PADI2: variants seen among roughly 807,000 people sequenced by gnomAD.
PADI2 encodes the protein protein-arginine deiminase type-2.
PADI2 carries 70 observed loss-of-function variants against 81.1 expected under a neutral mutation model. The observed-to-expected ratio is 0.86, with a 90% CI of 0.71 to 1.05. The LOEUF is 1.05. PADI2 is among the 50% of genes least tolerant of loss of function. PADI2 has a pLI of 0.00. For missense variants in PADI2, 853 were observed against 889.9 expected, an observed-to-expected ratio of 0.96 and a Z score of 0.53; for synonymous variants, 338 against 358.0, an observed-to-expected ratio of 0.94 and a Z score of 0.63.
At chr1:17,110,761 T>A (rs1931548985) in intron 1 of PADI2, among the ~76,000 whole-genome samples, 1 of 152,244 alleles carries the variant, frequency 6.6e-6, no homozygotes, top group Admixed American at 6.5e-5. Flanking sequence ...CTGGCAAATG[T>A]CCATCTCTCC....
chr1:17,082,461 G>A, intron 10 of PADI2, 84 bp downstream of exon 10: 1 of 862,912 alleles, frequency 1.2e-6, no homozygotes, highest in Non-Finnish European at 2.0e-6. Flanking sequence ...AATGTGTCAA[G>A]GCGGCCCAGG....
rs747314891 is a variant in PADI2 at position 17,069,284 on chromosome 1, C to A, written c.1765-7G>T. On this transcript the variant is annotated splice_polypyrimidine_tract_variant and splice_region_variant and intron_variant, in intron 15 of 15. Transcript: ENST00000375486. ...CCAGCACGATCATGTTCACCTGTGACGGGGGATTGCGATGGCAACAGCTTC... is the reference window on the plus strand; with the variant it reads ...CCAGCACGATCATGTTCACCTGTGAAGGGGGATTGCGATGGCAACAGCTTC... The A allele has an allele frequency of 6.2e-7, 1 of 1,609,030 alleles. No individual in the cohort carries two copies.
chr1:17,071,456 T>A lies in PADI2; in HGVS notation c.1585A>T (p.Asn529Tyr). ...GGMSSKRITINKILSNESLVQ... is the reference protein window; with the variant it reads ...GGMSSKRITIYKILSNESLVQ... ...AGGCTCTCGTTGGACAGAATCTTGT[T>A]GATGGTGATTCGCTTGCTGCTCATC... is the stretch of plus-strand genomic sequence containing the variant. The change falls in exon 14 of 16, where the codon AAC becomes TAC. Residue 529 changes from asparagine to tyrosine, a missense_variant. By Grantham distance (143) the Asn-to-Tyr change is moderately radical. Transcript: ENST00000375486. 2 of 1,614,188 alleles carry A rather than the reference T, an allele frequency of 1.2e-6. No homozygotes were observed. Among genetic ancestry groups the A allele is most frequent in the Non-Finnish European group, 1.7e-6 (2 of 1,179,998 alleles).
chr1:17,076,669 C>G (rs557463798), intron 11 of PADI2, among the ~76,000 whole-genome samples: 22 of 152,170 alleles, frequency 1.4e-4, no homozygotes, highest in African/African-American at 5.3e-4. Flanking sequence ...ATCTCCCTCC[C>G]TGGTTCAAGC....
intron 4 of PADI2, among the ~76,000 whole-genome samples, chr1:17,094,068 G>A (rs537737346): frequency 9.9e-5 from 15 of 152,272 alleles, no homozygotes; most frequent in Admixed American, 7.2e-4. Context: ...CCACCCAGCT[G>A]TTTCCAGACA....
In PADI2 at chr1:17,075,837, G is replaced by T; in HGVS notation, c.1311-14C>A. On this transcript the variant is annotated splice_polypyrimidine_tract_variant and intron_variant, in intron 11 of 15. Transcript: ENST00000375486. The stretch of plus-strand genomic sequence containing the variant: ...CGACCACCAGACCTGGAGAAGGGAG[G>T]AAGAGGAGTTTCAGCAAATTACCCA... 6.2e-7 allele frequency: 1 copy of T among 1,612,636 alleles called. No homozygotes were observed. The highest frequency in any genetic ancestry group is 8.5e-7 in the Non-Finnish European group (1 of 1,179,496).
chr1:17,083,700 T>G, intron 9 of PADI2, 26 bp downstream of exon 9: 1 of 1,466,296 alleles, frequency 6.8e-7, no homozygotes, highest in Non-Finnish European at 9.6e-7. Context: ...GCCATGTCCT[T>G]CCCAGCCTGG....
intron 12 of PADI2, chr1:17,075,295 A>C (rs3818039): frequency 0.62 from 201,996 of 327,904 alleles, 63,346 homozygotes; most frequent in Middle Eastern, 0.73. Context: ...CAGGTGCATA[A>C]CCTATTTCTC....
intron 4 of PADI2, among the ~76,000 whole-genome samples, 194 bp downstream of exon 4, chr1:17,095,715 G>A (rs945470322): frequency 1.3e-5 from 2 of 152,122 alleles, no homozygotes; most frequent in African/African-American, 4.8e-5. Flanking sequence ...TGAGACTCAG[G>A]AGCCTGCTCT....
intron 1 of PADI2, among the ~76,000 whole-genome samples, chr1:17,112,783 G>T (rs1429168912): frequency 6.6e-6 from 1 of 152,156 alleles, no homozygotes; most frequent in Non-Finnish European, 1.5e-5. Context: ...GAAACAATCT[G>T]ATCTATAGCT....
At chr1:17,090,861 T>A (rs1461939492) in intron 6 of PADI2, among the ~76,000 whole-genome samples, 1 of 152,058 alleles carries the variant, frequency 6.6e-6, no homozygotes, top group Non-Finnish European at 1.5e-5. Context: ...CCACTCCCTT[T>A]AGCAAAAAGA....
intron 1 of PADI2, among the ~76,000 whole-genome samples, chr1:17,107,376 C>T (rs978035692): frequency 5.5e-4 from 84 of 152,220 alleles, no homozygotes; most frequent in Admixed American, 2.6e-4. Context: ...GCTGGGGCAG[C>T]TGAAGATGGA....
Position 17,071,376 on chromosome 1 carries a change from TCTGGCCCTGCACCCCTGCCCTGCCCTCAC to T in PADI2, c.1635+1_1635+29del, listed in dbSNP as rs2078263327. 8.4e-6 allele frequency: 13 copies of T among 1,553,374 alleles called. No homozygotes were observed. In the East Asian group the frequency reaches 2.9e-4, roughly 35 times the overall value. ...TGAGCCTCATCCCTCCCAGGGGCCC[TCTGGCCCTGCACCCCTGCCCTGCCCTCAC>T]CTGGAAGTACAGGTTCTCCTGCACA... On this transcript the variant is annotated splice_donor_variant and splice_donor_5th_base_variant and intron_variant, in intron 14 of 15. Coordinates refer to ENST00000375486, the MANE Select transcript of PADI2 (RefSeq NM_007365.3). LOFTEE classifies it high-confidence loss of function.
intron 11 of PADI2, among the ~76,000 whole-genome samples, chr1:17,078,474 C>T (rs974962483): frequency 1.1e-4 from 17 of 152,178 alleles, no homozygotes; most frequent in African/African-American, 4.1e-4. Context: ...TCTCAGCTCA[C>T]TGCAACCTCT....
chr1:17,080,714 G>A (rs3818024), intron 10 of PADI2, among the ~76,000 whole-genome samples: 84,460 of 151,980 alleles, frequency 0.56, 23,672 homozygotes, highest in Non-Finnish European at 0.59. Context: ...GAGTTAGCCC[G>A]CAAGTCATAA....
rs1253661311 is a variant in PADI2 at position 17,105,078 on chromosome 1, G to C, written c.93-17C>G. 3 of 1,538,644 alleles carry C rather than the reference G, an allele frequency of 1.9e-6. No homozygotes were observed. The highest frequency in any genetic ancestry group is 1.8e-5 in the Admixed American group (1 of 55,900). ...GGGGCCGCGCTGTGGGGAGAGATGA[G>C]AGAGGGTTAGGGAGAGCCCTGGGGT... On this transcript the variant is annotated splice_polypyrimidine_tract_variant and intron_variant, in intron 1 of 15. Transcript: ENST00000375486.
chr1:17,068,525 A>C lies in PADI2; in HGVS notation c.*519T>G. 1 of 164,392 alleles carries C rather than the reference A, an allele frequency of 6.1e-6. No homozygotes were observed. The allele number at this position is 164,392 out of a possible 1,614,324, so 10.2% of individuals were successfully genotyped here. A position where few individuals can be genotyped will look rare whatever the true frequency, so the allele number is the denominator to read the frequency against. ...AGAGGATTTGAGAGGTTGGTAAGGA[A>C]TGAATAATTGGGGGTGGCCACCTGG... On this transcript the variant is annotated 3_prime_UTR_variant, in exon 16 of 16. Transcript: ENST00000375486.
intron 13 of PADI2, among the ~76,000 whole-genome samples, chr1:17,072,258 G>A (rs910230): frequency 0.37 from 56,793 of 152,088 alleles, 11,096 homozygotes; most frequent in East Asian, 0.6. Flanking sequence ...AGAGACTGCT[G>A]GTCCATTGCA....
intron 1 of PADI2, among the ~76,000 whole-genome samples, chr1:17,108,149 A>G (rs942389236): frequency 1.3e-5 from 2 of 151,976 alleles, no homozygotes; most frequent in South Asian, 2.1e-4. Flanking sequence ...GGGTTTCACC[A>G]TGTTGGCCAG....
Sources: gnomAD v4.1 joint callset for allele counts (sites outside exome capture counted in the v4.1 genomes callset) on GRCh38, gnomAD v4.1.1 for gene constraint, MANE v1.5 for transcripts, NCBI Gene and HGNC (gene_info 2026-07-23, HGNC 2026-07-21) for gene names.